HIBADH: variants seen among roughly 807,000 people sequenced by gnomAD.
HIBADH encodes 3-hydroxyisobutyrate dehydrogenase.
In HIBADH, 25 loss-of-function variants were observed where a neutral mutation model predicts 36.1. That is an observed-to-expected ratio of 0.69 (90% CI 0.50 to 0.97). HIBADH has a LOEUF of 0.97. Ranked by LOEUF, HIBADH falls within the 50% of genes least tolerant of loss-of-function variation. The probability of loss-of-function intolerance (pLI) is 0.00; values close to 1 mark genes in which losing one functional copy is unlikely to be tolerated. For synonymous variants in HIBADH, 160 were observed against 149.5 expected (o/e 1.07, Z -0.51); for missense variants, 421 against 418.0 (o/e 1.01, Z -0.06).
chr7:27,545,613 C>T (rs1013110474), intron 4 of HIBADH, among the ~76,000 whole-genome samples: 6 of 152,062 alleles, frequency 3.9e-5, no homozygotes, highest in East Asian at 1.9e-4. Flanking sequence ...TACAATGACA[C>T]GCCATTTTGA....
intron 4 of HIBADH, among the ~76,000 whole-genome samples, chr7:27,594,247 G>A (rs990196951): frequency 6.7e-6 from 1 of 150,302 alleles, no homozygotes; most frequent in Non-Finnish European, 1.5e-5. Context: ...GGGTTCAACT[G>A]ATTCTCCTGC....
intron 2 of HIBADH, among the ~76,000 whole-genome samples, chr7:27,636,704 T>C (rs552777237): frequency 1.3e-5 from 2 of 152,330 alleles, no homozygotes; most frequent in East Asian, 3.9e-4. Flanking sequence ...TCCCAGACTT[T>C]TGGCATAGAT....
intron 4 of HIBADH, among the ~76,000 whole-genome samples, chr7:27,585,681 G>A (rs936704059): frequency 6.6e-6 from 1 of 152,124 alleles, no homozygotes; most frequent in African/African-American, 2.4e-5. Context: ...AAATGTCAAT[G>A]ACACACACTC....
intron 4 of HIBADH, among the ~76,000 whole-genome samples, chr7:27,557,648 T>A (rs1784412379): frequency 6.6e-6 from 1 of 152,164 alleles, no homozygotes; most frequent in South Asian, 2.1e-4. Flanking sequence ...AGGAACATTG[T>A]GTCTTCACAT....
rs1562636117 is a variant in HIBADH at position 27,595,906 on chromosome 7, AAAAAG to A, written c.484+33460_484+33464del. ...CAAACAAGATCGTAATTTGGAGGAA[AAAAAG>A]AAAAGAAAATCAAAACCACACTATA... On this transcript the variant is annotated intron_variant, in intron 4 of 7. Transcript: ENST00000265395. Among the ~76,000 whole-genome samples the A allele has an allele frequency of 2.0e-5, 3 of 152,160 alleles. No homozygotes were observed. The South Asian group carries it at 6.2e-4, about 32-fold the overall frequency.
At chr7:27,535,850 T>C (rs1365445838) in intron 6 of HIBADH, among the ~76,000 whole-genome samples, 2 of 152,068 alleles carry the variant, frequency 1.3e-5, no homozygotes, top group Non-Finnish European at 2.9e-5. Context: ...AACTGTAAGA[T>C]TTTATTCTTC....
chr7:27,527,612 TG>T (rs1384344628), intron 7 of HIBADH, among the ~76,000 whole-genome samples: 1 of 152,212 alleles, frequency 6.6e-6, no homozygotes, highest in Non-Finnish European at 1.5e-5. Context: ...GTGGCAATCC[TG>T]CATTGAGCAA....
chr7:27,658,514 T>C (rs1464696581), intron 1 of HIBADH, among the ~76,000 whole-genome samples: 1 of 152,178 alleles, frequency 6.6e-6, no homozygotes, highest in Non-Finnish European at 1.5e-5. Flanking sequence ...CCTTAAGTGC[T>C]ATCAAAAAGC....
At chr7:27,532,780 T>C (rs1248089451) in intron 6 of HIBADH, among the ~76,000 whole-genome samples, 1 of 152,196 alleles carries the variant, frequency 6.6e-6, no homozygotes, top group Non-Finnish European at 1.5e-5. Flanking sequence ...TTCATTCTTT[T>C]ATAAAGATCC....
intron 4 of HIBADH, among the ~76,000 whole-genome samples, chr7:27,601,407 TTTA>T (rs1331496192): frequency 5.9e-5 from 9 of 152,122 alleles, no homozygotes; most frequent in African/African-American, 1.9e-4. Flanking sequence ...AATAGTGTAT[TTTA>T]TTATGATTGT....
chr7:27,529,796 ATCT>A (rs1197585131), intron 7 of HIBADH, among the ~76,000 whole-genome samples: 15 of 152,238 alleles, frequency 9.9e-5, no homozygotes, highest in African/African-American at 3.6e-4. Context: ...TAGCACATAA[ATCT>A]TCTGTGAAAG....
chr7:27,529,484 T>C (rs994485170), intron 7 of HIBADH, among the ~76,000 whole-genome samples: 2 of 152,192 alleles, frequency 1.3e-5, no homozygotes, highest in Non-Finnish European at 2.9e-5. Flanking sequence ...CTTTGAGGCC[T>C]TTAAGACTTC....
chr7:27,613,193 ATATATT>A (rs1201343468), intron 4 of HIBADH, among the ~76,000 whole-genome samples: 16 of 49,354 alleles, frequency 3.2e-4, no homozygotes, highest in Non-Finnish European at 4.3e-4. Flanking sequence ...ATATAAATAT[ATATATT>A]TATATTTATA....
chr7:27,572,803 A>G (rs986957388), intron 4 of HIBADH, among the ~76,000 whole-genome samples: 6 of 152,226 alleles, frequency 3.9e-5, no homozygotes, highest in Non-Finnish European at 7.3e-5. Flanking sequence ...TTAATATGCA[A>G]TTCTTGCTCA....
intron 1 of HIBADH, among the ~76,000 whole-genome samples, chr7:27,650,871 C>G (rs1287445851): frequency 5.9e-5 from 9 of 152,014 alleles, no homozygotes; most frequent in Non-Finnish European, 1.5e-5. Context: ...GCGTTAGATG[C>G]AATTTTTCAC....
chr7:27,632,441 A>G lies in HIBADH; in HGVS notation c.257T>C (p.Val86Ala), dbSNP rs1166994799. The change falls in exon 3 of 8, where the codon GTA becomes GCA. Residue 86 changes from valine (V) to alanine (A), a missense_variant. Coordinates refer to ENST00000265395, the MANE Select transcript of HIBADH (RefSeq NM_152740.4). ...TTCAGCAACATCTGCTGGGGAAGAT[A>G]CTACCTTTAAAAAAAATTGCAAAGG... ...KEFQDAGEQV[V>A]SSPADVAEKA... The G allele has an allele frequency of 1.2e-6, 2 of 1,609,768 alleles. No individual in the cohort carries two copies. Among genetic ancestry groups the G allele is most frequent in the Non-Finnish European group, 1.7e-6 (2 of 1,176,286 alleles).
Position 27,526,254 on chromosome 7 carries a change from G to A in HIBADH, c.971C>T (p.Ser324Leu), listed in dbSNP as rs761109929. The stretch of plus-strand genomic sequence containing the variant: ...CTCTCGTAGGAACTGGAACACGGAT[G>A]AGAAGTCTTTCTTTGAGTAGCCCTT... Reference protein sequence around the residue: ...CAKGYSKKDFSSVFQFLREEE... With the variant: ...CAKGYSKKDFLSVFQFLREEE... Residue 324 changes from serine to leucine, a missense_variant, in exon 8 of 8, where the codon TCA (serine) becomes TTA (leucine). Coordinates refer to ENST00000265395, the MANE Select transcript of HIBADH (RefSeq NM_152740.4). The A allele has an allele frequency of 6.2e-6, 10 of 1,612,632 alleles. No homozygotes were observed. The highest frequency in any genetic ancestry group is 8.5e-6 in the Non-Finnish European group (10 of 1,179,502).
intron 1 of HIBADH, among the ~76,000 whole-genome samples, chr7:27,662,440 A>T (rs1484023152): frequency 1.3e-5 from 2 of 151,702 alleles, no homozygotes; most frequent in Non-Finnish European, 2.9e-5. Context: ...GCTCTTCCCC[A>T]CCTCTTCCTA....
intron 2 of HIBADH, among the ~76,000 whole-genome samples, chr7:27,636,558 T>C (rs1486115320): frequency 2.6e-5 from 4 of 152,208 alleles, no homozygotes. Context: ...AGAGATTTAC[T>C]TAAGCAAACA....
Sources: allele counts gnomAD v4.1 joint callset (sites outside exome capture counted in the v4.1 genomes callset), GRCh38; gene constraint gnomAD v4.1.1; transcripts MANE v1.5; gene names NCBI Gene and HGNC (gene_info 2026-07-23, HGNC 2026-07-21).